Variants in RARS2 observed in about 807,000 individuals in gnomAD.
RARS2 encodes the protein arginyl-tRNA synthetase 2, mitochondrial.
A neutral mutation model predicts 88.5 loss-of-function variants in RARS2; 67 were observed. The observed-to-expected ratio is 0.76, with a 90% CI of 0.62 to 0.93. The LOEUF is 0.93. Ranked by LOEUF, RARS2 falls within the 40% of genes least tolerant of loss-of-function variation. The pLI is 0.00. For synonymous variants in RARS2, 239 were observed against 230.3 expected, an observed-to-expected ratio of 1.04 and a Z score of -0.34; for missense variants, 664 against 684.2, an observed-to-expected ratio of 0.97 and a Z score of 0.33.
At chr6:87,540,003 A>G (rs950681559) in intron 8 of RARS2, among the ~76,000 whole-genome samples, 2 of 152,208 alleles carry the variant, frequency 1.3e-5, no homozygotes, top group East Asian at 3.9e-4. Flanking sequence ...ATGAAGAATT[A>G]TTAATTTTTA....
chr6:87,529,664 A>T lies in RARS2; in HGVS notation c.772-16T>A. 6.5e-7 allele frequency: 1 copy of T among 1,542,940 alleles called. No individual in the cohort carries two copies. Among genetic ancestry groups the T allele is most frequent in the Non-Finnish European group, 9.0e-7 (1 of 1,115,490 alleles). ...CTCCCAGACGCTAAAAGAGTTCAGAAACAAAAAGACAAAGAAATGTTAATT... is the reference window on the plus strand; with the variant it reads ...CTCCCAGACGCTAAAAGAGTTCAGATACAAAAAGACAAAGAAATGTTAATT... On this transcript the variant is annotated splice_polypyrimidine_tract_variant and intron_variant, in intron 9 of 19. Coordinates refer to ENST00000369536, the MANE Select transcript of RARS2 (RefSeq NM_020320.5).
At chr6:87,551,788 T>G (rs1784414422) in intron 5 of RARS2, among the ~76,000 whole-genome samples, 1 of 152,118 alleles carries the variant, frequency 6.6e-6, no homozygotes, top group Admixed American at 6.6e-5. Context: ...TCCAATCTGT[T>G]TTGCGAGAAG....
chr6:87,557,930 C>T (rs574864841), intron 4 of RARS2, among the ~76,000 whole-genome samples: 2 of 152,166 alleles, frequency 1.3e-5, no homozygotes, highest in Admixed American at 6.5e-5. Flanking sequence ...AATCCCAGCA[C>T]TTTGGGAGGC....
In RARS2 at chr6:87,514,070, G is replaced by C. The variant is rs1303541246; in HGVS notation, c.*343C>G. Reference sequence around the variant, plus strand: ...TTCATGCCTCTAATCCCAACACTTTGGGAGGCCAAGGCAGACAGATAACCT... The same window carrying C: ...TTCATGCCTCTAATCCCAACACTTTCGGAGGCCAAGGCAGACAGATAACCT... On this transcript the variant is annotated 3_prime_UTR_variant, in exon 20 of 20. Coordinates refer to ENST00000369536, the MANE Select transcript of RARS2 (RefSeq NM_020320.5). Among the ~76,000 whole-genome samples the C allele has an allele frequency of 6.6e-6, 1 of 152,166 alleles. No individual in the cohort carries two copies.
intron 10 of RARS2, among the ~76,000 whole-genome samples, chr6:87,527,304 T>G (rs954352759): frequency 2.6e-5 from 4 of 151,730 alleles, no homozygotes; most frequent in Non-Finnish European, 5.9e-5. Context: ...TGAGACCCCG[T>G]CTCAAAAAAA....
At chr6:87,534,469 A>G (rs1055113693) in intron 8 of RARS2, among the ~76,000 whole-genome samples, 1 of 152,218 alleles carries the variant, frequency 6.6e-6, no homozygotes, top group African/African-American at 2.4e-5. Context: ...CAAGCACCTA[A>G]TAAATGTTAA....
At chr6:87,566,275 TTA>T (rs1168934991) in intron 2 of RARS2, among the ~76,000 whole-genome samples, 1 of 152,242 alleles carries the variant, frequency 6.6e-6, no homozygotes, top group East Asian at 1.9e-4. Context: ...TTCAAATATC[TTA>T]TGTTTTTCTA....
chr6:87,575,730 C>T (rs886552117), intron 1 of RARS2, among the ~76,000 whole-genome samples: 3 of 151,940 alleles, frequency 2.0e-5, no homozygotes. Context: ...AAATAAAGAA[C>T]CAAATCTAAA....
Position 87,519,594 on chromosome 6 carries a change from GC to G in RARS2, c.1225del (p.Ala409LeufsTer74), listed in dbSNP as rs1363268883. ...EIQLRMLQNM[A>X]SIKTTKELKN... is the part of the protein sequence containing the mutation. ...AAAACTGAATTCACTCTTAATTGAAGCCATGTTCTGTAGCATCCTTAATTGA... is the reference window on the plus strand; with the variant it reads ...AAAACTGAATTCACTCTTAATTGAAGCATGTTCTGTAGCATCCTTAATTGA... On this transcript the variant is annotated frameshift_variant, in exon 14 of 20. Transcript: ENST00000369536. LOFTEE classifies it high-confidence loss of function. 13 of 1,612,248 alleles carry G rather than the reference GC, an allele frequency of 8.1e-6. No individual in the cohort carries two copies. Among genetic ancestry groups the G allele is most frequent in the Non-Finnish European group, 1.0e-5 (12 of 1,178,326 alleles).
At chr6:87,570,442 A>G (rs1452009145) in intron 1 of RARS2, among the ~76,000 whole-genome samples, 2 of 152,138 alleles carry the variant, frequency 1.3e-5, no homozygotes, top group Non-Finnish European at 2.9e-5. Flanking sequence ...TTTTTGAGAC[A>G]GAGTCTCGCT....
At position 87,589,910 on chromosome 6, in the gene RARS2, C is replaced by T. The variant is rs763768431; in HGVS notation, c.36+12G>A. 3 of 1,612,420 alleles carry T rather than the reference C, an allele frequency of 1.9e-6. No homozygotes were observed. The highest frequency in any genetic ancestry group is 2.5e-6 in the Non-Finnish European group (3 of 1,179,264). ...TCCTCAGGGACTCCTCTGCGCGCTC[C>T]GGGATCCATACCTGGCAAGCAATAG... On this transcript the variant is annotated intron_variant, in intron 1 of 19. Coordinates refer to ENST00000369536, the MANE Select transcript of RARS2 (RefSeq NM_020320.5).
chr6:87,518,645 T>A lies in RARS2; in HGVS notation c.1400A>T (p.His467Leu). 1 of 1,612,984 alleles carries A rather than the reference T, an allele frequency of 6.2e-7. No individual in the cohort carries two copies. The highest frequency in any genetic ancestry group is 8.5e-7 in the Non-Finnish European group (1 of 1,179,216). ...CTCTTCTCACCTGTGGAGGCGGGCG[T>A]GTGTGTACTGTAGGAAGACTCCTGT... ...GDTGVFLQYT[H>L]ARLHSLEETF... is the part of the protein sequence containing the mutation. Residue 467 changes from histidine (H) to leucine (L), a missense_variant, in exon 16 of 20, where the codon CAC (histidine) becomes CTC (leucine). Transcript: ENST00000369536.
intron 1 of RARS2, among the ~76,000 whole-genome samples, chr6:87,579,171 C>T (rs1030531294): frequency 1.3e-5 from 2 of 152,102 alleles, no homozygotes; most frequent in Non-Finnish European, 2.9e-5. Flanking sequence ...AAACCTGAGT[C>T]TTCCATGGTC....
At position 87,514,335 on chromosome 6, in the gene RARS2, A is replaced by G. The variant is rs1013758723; in HGVS notation, c.*78T>C. 9.6e-7 allele frequency: 1 copy of G among 1,036,774 alleles called. No individual in the cohort carries two copies. Among genetic ancestry groups the G allele is most frequent in the African/African-American group, 1.6e-5 (1 of 61,254 alleles). The allele number at this position is 1,036,774 out of a possible 1,614,324, so 64.2% of individuals were successfully genotyped here. On this transcript the variant is annotated 3_prime_UTR_variant, in exon 20 of 20. Coordinates refer to ENST00000369536, the MANE Select transcript of RARS2 (RefSeq NM_020320.5). ...TCAAAAAAAAAAAAAAAAAATTTAA[A>G]TTTATTCTGAACAGCAAGGCATCTC...
At chr6:87,549,377 TA>T (rs1164724704) in intron 5 of RARS2, among the ~76,000 whole-genome samples, 3 of 148,898 alleles carry the variant, frequency 2.0e-5, no homozygotes, top group African/African-American at 5.0e-5. Flanking sequence ...AAATAAAAAA[TA>T]AAATAAATAA....
At chr6:87,580,847 T>C (rs1298646042) in intron 1 of RARS2, among the ~76,000 whole-genome samples, 2 of 152,056 alleles carry the variant, frequency 1.3e-5, no homozygotes, top group African/African-American at 2.4e-5. Context: ...CAGATCTCGT[T>C]TGAGAACCTA....
At chr6:87,582,633 G>T (rs1036926035) in intron 1 of RARS2, among the ~76,000 whole-genome samples, 1 of 152,202 alleles carries the variant, frequency 6.6e-6, no homozygotes, top group Non-Finnish European at 1.5e-5. Context: ...TGGTGGGTCT[G>T]TGAGAATAGA....
chr6:87,543,367 G>A (rs1013181462), intron 7 of RARS2, among the ~76,000 whole-genome samples: 1 of 149,826 alleles, frequency 6.7e-6, no homozygotes, highest in Non-Finnish European at 1.5e-5. Context: ...ATTGGCCGGG[G>A]GTGATGACTC....
At chr6:87,534,383 T>C (rs545610073) in intron 8 of RARS2, among the ~76,000 whole-genome samples, 1 of 152,332 alleles carries the variant, frequency 6.6e-6, no homozygotes, top group Admixed American at 6.5e-5. Flanking sequence ...TCTATGTATA[T>C]ACATAACCAC....
Sources: allele counts gnomAD v4.1 joint callset (sites outside exome capture counted in the v4.1 genomes callset), GRCh38; gene constraint gnomAD v4.1.1; transcripts MANE v1.5; gene names NCBI Gene and HGNC (gene_info 2026-07-23, HGNC 2026-07-21).